The following PLEKHH1 variants were observed in gnomAD, a reference collection of about 807,000 sequenced individuals.
PLEKHH1 encodes the protein pleckstrin homology domain-containing family H member 1.
In PLEKHH1, 104 loss-of-function variants were observed where a neutral mutation model predicts 160.0. The observed-to-expected ratio is 0.65, with a 90% CI of 0.55 to 0.76. The LOEUF is 0.76. PLEKHH1 is among the 30% of genes least tolerant of loss of function. The probability of loss-of-function intolerance (pLI) is 0.00; values close to 1 mark genes in which losing one functional copy is unlikely to be tolerated. For synonymous variants in PLEKHH1, 619 were observed against 678.4 expected (o/e 0.91, Z 1.36); for missense variants, 1,427 against 1,724.1 (o/e 0.83, Z 3.05).
chr14:67,577,864 G>A (rs1360309678), intron 18 of PLEKHH1, among the ~76,000 whole-genome samples, 159 bp from the exon 19 acceptor site: 2 of 152,124 alleles, frequency 1.3e-5, no homozygotes, highest in African/African-American at 4.8e-5. Flanking sequence ...GCCCCTTTTA[G>A]TAAGCAGAGA....
chr14:67,571,608 CCTTA>C, intron 9 of PLEKHH1, 140 bp from the exon 10 acceptor site: 1 of 718,486 alleles, frequency 1.4e-6, no homozygotes, highest in East Asian at 2.6e-5. Flanking sequence ...CCAGGAGGGA[CCTTA>C]CACTGGACAG....
In PLEKHH1 at chr14:67,572,256, C is replaced by G. The variant is rs371330818; in HGVS notation, c.1707C>G (p.Thr569=). 2 of 1,603,958 alleles carry G rather than the reference C, an allele frequency of 1.2e-6. No homozygotes were observed. The highest frequency in any genetic ancestry group is 1.1e-5 in the South Asian group (1 of 89,218). The change falls in exon 11 of 29, where the codon ACC becomes ACG. Residue 569 remains threonine (T), a synonymous_variant. Coordinates refer to ENST00000329153, the MANE Select transcript of PLEKHH1 (RefSeq NM_020715.3). ...TGCAGCGCACCTCATCCTACTCCAC[C>G]GACGGGCTGGGCCTGGGCGGGGTGA... ...HKLQRTSSYS[T]DGLGLGGESL...
chr14:67,573,108 G>A lies in PLEKHH1; in HGVS notation c.1729-168G>A. 6.6e-6 allele frequency among the ~76,000 whole-genome samples: 1 copy of A among 152,186 alleles called. No individual in the cohort carries two copies. On this transcript the variant is annotated intron_variant, in intron 11 of 28. Transcript: ENST00000329153. This position sits in a 1 kb window ranked among gnomAD's most constrained non-coding sequence, Gnocchi z 4.8. ...ACCCATGTTTTATTTAGTCCTCTCT[G>A]AACCATAGCAGGGCATGGTACTCTG...
At chr14:67,563,094 G>C (rs559080211) in intron 7 of PLEKHH1, among the ~76,000 whole-genome samples, 200 bp downstream of exon 7, 31 of 152,358 alleles carry the variant, frequency 2.0e-4, no homozygotes, top group Admixed American at 8.5e-4. Context: ...GTGAATGGCG[G>C]TTGGCTGTCA....
At chr14:67,533,562 G>A (rs2033556493) in intron 1 of PLEKHH1, 164 bp downstream of exon 1, 1 of 152,058 alleles carries the variant, frequency 6.6e-6, no homozygotes, top group Non-Finnish European at 1.5e-5. Context: ...GCTGGAGCGC[G>A]GGTCTGGCTT....
At chr14:67,585,710 T>C in intron 27 of PLEKHH1, 56 bp downstream of exon 27, 1 of 1,309,110 alleles carries the variant, frequency 7.6e-7, no homozygotes, top group Non-Finnish European at 1.1e-6. Flanking sequence ...CATGGTCTTT[T>C]CTTCTCCTCT....
chr14:67,549,246 T>C (rs982101289), intron 2 of PLEKHH1, among the ~76,000 whole-genome samples: 3 of 151,292 alleles, frequency 2.0e-5, no homozygotes, highest in Non-Finnish European at 4.4e-5. Context: ...TGTGTGTGCG[T>C]GTGTGTGTGT....
At chr14:67,543,287 C>T (rs551463896) in intron 2 of PLEKHH1, among the ~76,000 whole-genome samples, 1 of 152,308 alleles carries the variant, frequency 6.6e-6, no homozygotes, top group East Asian at 1.9e-4. Flanking sequence ...AGTGGCATCA[C>T]CATGGCTAAG....
chr14:67,573,903 G>C lies in PLEKHH1; in HGVS notation c.1926+16G>C. The C allele has an allele frequency of 1.3e-6, 2 of 1,583,306 alleles. No homozygotes were observed. The highest frequency in any genetic ancestry group is 8.7e-7 in the Non-Finnish European group (1 of 1,151,906). On this transcript the variant is annotated intron_variant, in intron 13 of 28. Coordinates refer to ENST00000329153, the MANE Select transcript of PLEKHH1 (RefSeq NM_020715.3). The surrounding 1 kb of genome is among the most constrained non-coding windows in gnomAD (Gnocchi z 4.8). ...GACGTTTCAGGTGAGCACGCTCCTGGCTGCTAGTATTTTAAACAGAAGAGG... is the reference window on the plus strand; with the variant it reads ...GACGTTTCAGGTGAGCACGCTCCTGCCTGCTAGTATTTTAAACAGAAGAGG...
rs1489136218 is a variant in PLEKHH1 at position 67,541,900 on chromosome 14, C to T, written c.33C>T (p.Ser11=). Reference sequence around the variant, plus strand: ...AACTCAAGGTGGAGGCGCCGGCCAGCGTAGACTGGCAGAAACGCTGCCTGA... The same window carrying T: ...AACTCAAGGTGGAGGCGCCGGCCAGTGTAGACTGGCAGAAACGCTGCCTGA... MAELKVEAPA[S]VDWQKRCLTL... is the part of the protein sequence containing the mutation. Residue 11 remains serine (S), a synonymous_variant, in exon 2 of 29, where the codon AGC becomes AGT. Coordinates refer to ENST00000329153, the MANE Select transcript of PLEKHH1 (RefSeq NM_020715.3). 5 of 1,603,234 alleles carry T rather than the reference C, an allele frequency of 3.1e-6. No homozygotes were observed. The highest frequency in any genetic ancestry group is 1.7e-5 in the Admixed American group (1 of 58,654).
chr14:67,555,459 A>G (rs914277699), intron 2 of PLEKHH1, among the ~76,000 whole-genome samples: 1 of 152,128 alleles, frequency 6.6e-6, no homozygotes. Flanking sequence ...CTTCGACCCA[A>G]TGCTGAGAGG....
At chr14:67,575,754 G>T in intron 15 of PLEKHH1, 69 bp from the exon 16 acceptor site, 1 of 1,158,214 alleles carries the variant, frequency 8.6e-7, no homozygotes, top group South Asian at 1.4e-5. Context: ...CGGAGCCTAT[G>T]TATTCAGAGA....
chr14:67,572,416 C>T, intron 11 of PLEKHH1, 139 bp downstream of exon 11: 3 of 309,596 alleles, frequency 9.7e-6, no homozygotes, highest in Non-Finnish European at 1.2e-5. Flanking sequence ...GGGGCGTGGG[C>T]TGGGGGGGTG....
intron 1 of PLEKHH1, among the ~76,000 whole-genome samples, chr14:67,539,697 AG>A (rs2033889269): frequency 6.6e-6 from 1 of 152,186 alleles, no homozygotes; most frequent in Non-Finnish European, 1.5e-5. Flanking sequence ...GGATGGGTAA[AG>A]AGCACAGAGT....
chr14:67,572,261 G>C lies in PLEKHH1; in HGVS notation c.1712G>C (p.Gly571Ala), dbSNP rs200559560. The C allele has an allele frequency of 6.2e-7, 1 of 1,602,032 alleles. No individual in the cohort carries two copies. The highest frequency in any genetic ancestry group is 8.5e-7 in the Non-Finnish European group (1 of 1,176,078). Residue 571 changes from glycine (G) to alanine (A), a missense_variant, in exon 11 of 29, where the codon GGG becomes GCG. Gly to Ala is a moderately conservative substitution (Grantham distance 60). This residue lies in a region of PLEKHH1 where 831 missense variants were observed against 929.2 expected (regional missense o/e 0.89). Transcript: ENST00000329153. Reference protein sequence around the residue: ...LQRTSSYSTDGLGLGGESLEK... With the variant: ...LQRTSSYSTDALGLGGESLEK... Reference sequence around the variant, plus strand: ...CGCACCTCATCCTACTCCACCGACGGGCTGGGCCTGGGCGGGGTGAGCCGG... The same window carrying C: ...CGCACCTCATCCTACTCCACCGACGCGCTGGGCCTGGGCGGGGTGAGCCGG...
In PLEKHH1 at chr14:67,586,028, A is replaced by C. The variant is rs2036143219; in HGVS notation, c.3864A>C (p.Arg1288Ser). Residue 1288 changes from arginine (R) to serine (S), a missense_variant, in exon 28 of 29, where the codon AGA becomes AGC. Coordinates refer to ENST00000329153, the MANE Select transcript of PLEKHH1 (RefSeq NM_020715.3). ...GCRDDFMLVIRSIPDKSSGKS... is the reference protein window; with the variant it reads ...GCRDDFMLVISSIPDKSSGKS... ...GGGATGACTTCATGCTTGTGATTAGATCTATCCCAGACAAGAGCTCTGGAA... is the reference window on the plus strand; with the variant it reads ...GGGATGACTTCATGCTTGTGATTAGCTCTATCCCAGACAAGAGCTCTGGAA... 3 of 1,613,896 alleles carry C rather than the reference A, an allele frequency of 1.9e-6. No homozygotes were observed. Among genetic ancestry groups the C allele is most frequent in the Non-Finnish European group, 2.5e-6 (3 of 1,179,832 alleles).
chr14:67,558,315 C>T (rs1356404767), intron 4 of PLEKHH1, among the ~76,000 whole-genome samples: 4 of 152,112 alleles, frequency 2.6e-5, no homozygotes, highest in African/African-American at 7.2e-5. Flanking sequence ...TAGGAGAAGC[C>T]GATCCTGGTG....
chr14:67,569,147 A>G lies in PLEKHH1; in HGVS notation c.1273A>G (p.Ile425Val). 6.2e-7 allele frequency: 1 copy of G among 1,611,602 alleles called. No homozygotes were observed. The highest frequency in any genetic ancestry group is 8.5e-7 in the Non-Finnish European group (1 of 1,178,254). ...LHQFSSWESR[I>V]YAVATSGMRL... is the part of the protein sequence containing the mutation. ...AGACCTCTTGTTTCAGGAGAGCCGG[A>G]TCTATGCTGTGGCCACATCGGGCAT... The change falls in exon 8 of 29, where the codon ATC becomes GTC. Residue 425 changes from isoleucine (I) to valine (V), a missense_variant. By Grantham distance (29) the Ile-to-Val change is conservative. Coordinates refer to ENST00000329153, the MANE Select transcript of PLEKHH1 (RefSeq NM_020715.3).
At chr14:67,546,407 G>T (rs918645204) in intron 2 of PLEKHH1, among the ~76,000 whole-genome samples, 14 of 152,056 alleles carry the variant, frequency 9.2e-5, no homozygotes, top group African/African-American at 3.4e-4. Flanking sequence ...TTTTGTTTTT[G>T]TTTTTGTTTT....
Sources: allele counts gnomAD v4.1 joint callset (sites outside exome capture counted in the v4.1 genomes callset), GRCh38; gene constraint gnomAD v4.1.1; regional missense constraint gnomAD v4.1.1; non-coding constraint Gnocchi (gnomAD v3.1); transcripts MANE v1.5; gene names NCBI Gene and HGNC (gene_info 2026-07-23, HGNC 2026-07-21).